Variants in HS6ST3 observed in about 807,000 individuals in gnomAD.
HS6ST3 encodes heparan sulfate 6-O-sulfotransferase 3.
A neutral mutation model predicts 36.7 loss-of-function variants in HS6ST3; 12 were observed. The ratio of observed to expected loss-of-function variants is 0.33; its 90% CI spans 0.21 to 0.53. The LOEUF (loss-of-function observed/expected upper bound fraction) is 0.53. Among genes scored for constraint, HS6ST3 ranks in the 20% least tolerant of loss-of-function variants. The pLI is 0.95. For synonymous variants in HS6ST3, 240 were observed against 257.5 expected (o/e 0.93, Z 0.65); for missense variants, 584 against 640.9 (o/e 0.91, Z 0.96).
intron 1 of HS6ST3, among the ~76,000 whole-genome samples, chr13:96,806,505 G>C (rs2138531847): frequency 6.6e-6 from 1 of 152,270 alleles, no homozygotes; most frequent in Admixed American, 6.5e-5. Flanking sequence ...GGTGAGAAAA[G>C]GCTTTCCTAA....
intron 1 of HS6ST3, among the ~76,000 whole-genome samples, chr13:96,129,779 G>A (rs774973667): frequency 6.6e-5 from 10 of 152,096 alleles, no homozygotes; most frequent in Non-Finnish European, 1.0e-4. Context: ...AGTATGACTG[G>A]TGACCTTACA....
intron 1 of HS6ST3, among the ~76,000 whole-genome samples, chr13:96,428,150 G>C (rs529150528): frequency 6.6e-6 from 1 of 152,018 alleles, no homozygotes; most frequent in Non-Finnish European, 1.5e-5. Flanking sequence ...GATCAAGACT[G>C]TCCTGGCTTA....
chr13:96,761,682 A>G (rs1278151136), intron 1 of HS6ST3, among the ~76,000 whole-genome samples: 1 of 152,168 alleles, frequency 6.6e-6, no homozygotes, highest in Non-Finnish European at 1.5e-5. Flanking sequence ...TATTTCATAC[A>G]TTCCCATAAA....
chr13:96,377,353 A>AAACAAC (rs955117924), intron 1 of HS6ST3, among the ~76,000 whole-genome samples: 6 of 151,768 alleles, frequency 4.0e-5, no homozygotes, highest in Admixed American at 2.6e-4. Flanking sequence ...ACCCTGTCTC[A>AAACAAC]AACAACAACA....
At chr13:96,135,928 A>AC (rs374827432) in intron 1 of HS6ST3, among the ~76,000 whole-genome samples, 10 of 152,184 alleles carry the variant, frequency 6.6e-5, no homozygotes, top group East Asian at 3.9e-4. Flanking sequence ...ACCTTCACTT[A>AC]CCCCAAAAGA....
intron 1 of HS6ST3, among the ~76,000 whole-genome samples, chr13:96,517,373 C>A (rs2056076760): frequency 6.6e-6 from 1 of 152,152 alleles, no homozygotes; most frequent in African/African-American, 2.4e-5. Context: ...GAGCAAGACC[C>A]TGTCTCAAAC....
At chr13:96,555,809 T>TAA (rs10644683) in intron 1 of HS6ST3, among the ~76,000 whole-genome samples, 12,613 of 147,296 alleles carry the variant, frequency 0.086, 944 homozygotes, top group African/African-American at 0.21. Context: ...AGATGGTTCT[T>TAA]AAAAAAAAAA....
chr13:96,136,581 G>A lies in HS6ST3; in HGVS notation c.707+45012G>A, dbSNP rs923602776. On this transcript the variant is annotated intron_variant, in intron 1 of 1. Coordinates refer to ENST00000376705, the MANE Select transcript of HS6ST3 (RefSeq NM_153456.4). Reference sequence around the variant, plus strand: ...CCGTGAACCAGTCGCCTCCCACCAGGCCCCATCTCCAACACTGGGGATTAT... The same window carrying A: ...CCGTGAACCAGTCGCCTCCCACCAGACCCCATCTCCAACACTGGGGATTAT... 4.6e-5 allele frequency among the ~76,000 whole-genome samples: 7 copies of A among 151,658 alleles called. No homozygotes were observed. In the East Asian group the frequency reaches 1.4e-3, roughly 30 times the overall value.
chr13:96,601,238 C>G (rs2056420603), intron 1 of HS6ST3, among the ~76,000 whole-genome samples: 1 of 152,134 alleles, frequency 6.6e-6, no homozygotes, highest in Admixed American at 6.5e-5. Flanking sequence ...AAGTTTTCCT[C>G]AATTATTCCC....
chr13:96,215,331 A>T (rs1280717389), intron 1 of HS6ST3, among the ~76,000 whole-genome samples: 1 of 152,198 alleles, frequency 6.6e-6, no homozygotes, highest in Non-Finnish European at 1.5e-5. Context: ...GGGTAACGAG[A>T]CACAGCTTGG....
At chr13:96,099,731 G>A (rs2053808857) in intron 1 of HS6ST3, among the ~76,000 whole-genome samples, 1 of 152,004 alleles carries the variant, frequency 6.6e-6, no homozygotes, top group African/African-American at 2.4e-5. Context: ...AACATCAGAG[G>A]GTATAAATGC....
chr13:96,242,184 C>T (rs2054564037), intron 1 of HS6ST3, among the ~76,000 whole-genome samples: 1 of 151,842 alleles, frequency 6.6e-6, no homozygotes, highest in African/African-American at 2.4e-5. Context: ...TTTCAACAGC[C>T]CCTGGCTACC....
At chr13:96,247,345 C>T (rs1188181393) in intron 1 of HS6ST3, among the ~76,000 whole-genome samples, 2 of 151,952 alleles carry the variant, frequency 1.3e-5, no homozygotes, top group African/African-American at 4.8e-5. Flanking sequence ...CCCCATAATC[C>T]CCACGTGTCA....
intron 1 of HS6ST3, among the ~76,000 whole-genome samples, chr13:96,703,312 A>C (rs1341042108): frequency 2.6e-5 from 4 of 152,370 alleles, no homozygotes; most frequent in African/African-American, 9.6e-5. Flanking sequence ...TGTATTTAAC[A>C]AATGGCACTG....
chr13:96,196,165 TTC>T (rs1362939181), intron 1 of HS6ST3, among the ~76,000 whole-genome samples: 3 of 152,044 alleles, frequency 2.0e-5, no homozygotes, highest in African/African-American at 7.2e-5. Flanking sequence ...ATCAACTGCT[TTC>T]TCTCTGCCAC....
intron 1 of HS6ST3, among the ~76,000 whole-genome samples, chr13:96,288,861 T>C (rs2054816274): frequency 6.6e-6 from 1 of 151,944 alleles, no homozygotes; most frequent in Non-Finnish European, 1.5e-5. Flanking sequence ...ATTAAGGAAA[T>C]AGTAAAGTCA....
In HS6ST3 at chr13:96,629,091, A is replaced by AT. The variant is rs1411593943; in HGVS notation, c.708-203392dup. Among the ~76,000 whole-genome samples, 5 of 152,102 alleles carry AT rather than the reference A, an allele frequency of 3.3e-5. No homozygotes were observed. The East Asian group carries it at 9.7e-4, about 29-fold the overall frequency. ...TTTTTGAAGTTTATTCTCTATGCTT[A>AT]TTTTTTTAGCATTTACTGTGGATAT... On this transcript the variant is annotated intron_variant, in intron 1 of 1. Transcript: ENST00000376705.
At chr13:96,238,249 A>G (rs2054543833) in intron 1 of HS6ST3, among the ~76,000 whole-genome samples, 1 of 152,182 alleles carries the variant, frequency 6.6e-6, no homozygotes, top group Non-Finnish European at 1.5e-5. Flanking sequence ...ATATATCTCA[A>G]AACTGTCTGT....
At position 96,633,155 on chromosome 13, in the gene HS6ST3, G is replaced by A. The variant is rs144090428; in HGVS notation, c.708-199335G>A. Among the ~76,000 whole-genome samples, 45 of 152,244 alleles carry A rather than the reference G, an allele frequency of 3.0e-4. No individual in the cohort carries two copies. The East Asian group carries it at 3.9e-3, about 13-fold the overall frequency. ...CCAGTTCCATTCCGTAAATCGGCCCGGGTGTGCACGTCAGCAGGGACGGTG... is the reference window on the plus strand; with the variant it reads ...CCAGTTCCATTCCGTAAATCGGCCCAGGTGTGCACGTCAGCAGGGACGGTG... On this transcript the variant is annotated intron_variant, in intron 1 of 1. Coordinates refer to ENST00000376705, the MANE Select transcript of HS6ST3 (RefSeq NM_153456.4).
Sources: gnomAD v4.1 joint callset for allele counts (sites outside exome capture counted in the v4.1 genomes callset) on GRCh38, gnomAD v4.1.1 for gene constraint, MANE v1.5 for transcripts, NCBI Gene and HGNC (gene_info 2026-07-23, HGNC 2026-07-21) for gene names.